Variants in EIPR1 observed in about 807,000 individuals in gnomAD.
EIPR1 encodes the protein EARP complex and GARP complex interacting protein 1.
EIPR1 carries 25 observed loss-of-function variants against 48.1 expected under a neutral mutation model. That is an observed-to-expected ratio of 0.52 (90% CI 0.38 to 0.73). EIPR1 has a LOEUF of 0.73. Among genes scored for constraint, EIPR1 ranks in the 30% least tolerant of loss-of-function variants. The pLI is 0.00. For missense variants in EIPR1, 415 were observed against 506.2 expected (o/e 0.82, Z 1.73); for synonymous variants, 204 against 201.9 (o/e 1.01, Z -0.09).
intron 1 of EIPR1, among the ~76,000 whole-genome samples, chr2:3,367,399 A>AAC (rs1453511902): frequency 6.6e-6 from 1 of 152,268 alleles, no homozygotes; most frequent in East Asian, 1.9e-4. Context: ...ACAGATTAAC[A>AAC]AGTCAACACT....
intron 3 of EIPR1, among the ~76,000 whole-genome samples, chr2:3,260,896 A>G (rs1024377824): frequency 2.0e-5 from 3 of 152,254 alleles, no homozygotes; most frequent in Non-Finnish European, 4.4e-5. Flanking sequence ...AAAGATGTAC[A>G]GTAACTGGAT....
chr2:3,206,260 C>T (rs1458334039), intron 5 of EIPR1, among the ~76,000 whole-genome samples: 1 of 152,128 alleles, frequency 6.6e-6, no homozygotes. Flanking sequence ...CACCAGGGGA[C>T]AGAGAAAGGG....
chr2:3,344,770 G>C (rs997352272), intron 2 of EIPR1, among the ~76,000 whole-genome samples: 1 of 149,900 alleles, frequency 6.7e-6, no homozygotes, highest in African/African-American at 2.5e-5. Flanking sequence ...AGCCTCCTGA[G>C]TAGTTGCAAC....
At chr2:3,273,493 C>A (rs1667757407) in intron 3 of EIPR1, among the ~76,000 whole-genome samples, 1 of 151,610 alleles carries the variant, frequency 6.6e-6, no homozygotes, top group South Asian at 2.1e-4. Context: ...AAACATTATT[C>A]TCCAGCTGGC....
intron 3 of EIPR1, among the ~76,000 whole-genome samples, chr2:3,280,214 T>C (rs2103258410): frequency 6.6e-6 from 1 of 152,326 alleles, no homozygotes; most frequent in South Asian, 2.1e-4. Flanking sequence ...TTAGCCCCTT[T>C]AAACCTGAGT....
At chr2:3,334,246 C>T (rs1179159512) in intron 3 of EIPR1, among the ~76,000 whole-genome samples, 2 of 152,216 alleles carry the variant, frequency 1.3e-5, no homozygotes, top group Non-Finnish European at 2.9e-5. Context: ...GGATAAATTG[C>T]AACTCTGATC....
rs768355540 is a variant in EIPR1 at position 3,312,484 on chromosome 2, C to T, written c.259+25533G>A. ...CTTCTCTCACTGCCTCCAAAATACA[C>T]CCTGTCCAATATTCCATCTCCAGGT... On this transcript the variant is annotated intron_variant, in intron 3 of 8. Transcript: ENST00000382125. The surrounding 1 kb of genome is among the most constrained non-coding windows in gnomAD (Gnocchi z 5.5). Among the ~76,000 whole-genome samples the T allele has an allele frequency of 6.6e-6, 1 of 152,210 alleles. No individual in the cohort carries two copies. The highest frequency in any genetic ancestry group is 1.5e-5 in the Non-Finnish European group (1 of 68,034).
intron 3 of EIPR1, among the ~76,000 whole-genome samples, chr2:3,323,555 C>T (rs1445381551): frequency 6.6e-6 from 1 of 152,144 alleles, no homozygotes; most frequent in Non-Finnish European, 1.5e-5. Context: ...GGACATGGGC[C>T]CTCAGCCAAC....
intron 1 of EIPR1, among the ~76,000 whole-genome samples, chr2:3,375,443 C>A (rs1260993212): frequency 6.6e-6 from 1 of 151,610 alleles, no homozygotes; most frequent in Admixed American, 6.6e-5. Context: ...CTCAAAGATA[C>A]AATACTGAAG....
intron 3 of EIPR1, among the ~76,000 whole-genome samples, chr2:3,334,078 A>G (rs1669975343): frequency 6.6e-6 from 1 of 152,222 alleles, no homozygotes; most frequent in Non-Finnish European, 1.5e-5. Flanking sequence ...CAAAGAAAAC[A>G]CACGTGGGTC....
chr2:3,195,668 A>G (rs562982486), intron 6 of EIPR1, among the ~76,000 whole-genome samples: 1 of 152,314 alleles, frequency 6.6e-6, no homozygotes, highest in South Asian at 2.1e-4. Flanking sequence ...TGTATTAACT[A>G]AAGGTTACTG....
chr2:3,351,147 CGT>C (rs1558315157), intron 2 of EIPR1, among the ~76,000 whole-genome samples: 2 of 151,872 alleles, frequency 1.3e-5, no homozygotes, highest in African/African-American at 2.4e-5. Context: ...ATTACAGGTG[CGT>C]GCCACCACAC....
chr2:3,369,953 CT>C (rs1267516121), intron 1 of EIPR1, among the ~76,000 whole-genome samples: 5 of 151,738 alleles, frequency 3.3e-5, no homozygotes, highest in Non-Finnish European at 5.9e-5. Flanking sequence ...TCCTTGACCC[CT>C]GACCCCCGAG....
Position 3,226,562 on chromosome 2 carries a change from G to A in EIPR1, c.417-12314C>T, listed in dbSNP as rs1666072689. Reference sequence around the variant, plus strand: ...TATGGTTTCTTCCACTCTGTACGCTGCCTTTTCATTTTGCCGATGTTTCTT... The same window carrying A: ...TATGGTTTCTTCCACTCTGTACGCTACCTTTTCATTTTGCCGATGTTTCTT... On this transcript the variant is annotated intron_variant, in intron 4 of 8. Coordinates refer to ENST00000382125, the MANE Select transcript of EIPR1 (RefSeq NM_003310.5). Among the ~76,000 whole-genome samples the A allele has an allele frequency of 2.6e-5, 4 of 152,312 alleles. No homozygotes were observed. In the South Asian group the frequency reaches 8.3e-4, roughly 32 times the overall value.
chr2:3,338,366 G>C (rs1670130517), intron 2 of EIPR1, among the ~76,000 whole-genome samples: 1 of 152,196 alleles, frequency 6.6e-6, no homozygotes, highest in Non-Finnish European at 1.5e-5. Context: ...GCATTTCTAA[G>C]ATTGCAAGCT....
chr2:3,364,100 T>C (rs34878011), intron 1 of EIPR1, among the ~76,000 whole-genome samples: 10,010 of 152,258 alleles, frequency 0.066, 343 homozygotes, highest in African/African-American at 0.073. Context: ...AAGAAGAGTA[T>C]GGCGTCTCCT....
chr2:3,200,483 G>A (rs890562121), intron 5 of EIPR1, among the ~76,000 whole-genome samples: 3 of 152,144 alleles, frequency 2.0e-5, no homozygotes, highest in Non-Finnish European at 2.9e-5. Flanking sequence ...TTTCTGCTCC[G>A]TGCAGGAAAT....
rs373441940 is a variant in EIPR1 at position 3,196,938 on chromosome 2, G to A, written c.596C>T (p.Thr199Ile). ...GGTGTCGTTCGCTGTGGCCACCTGG[G>A]TGCAGTTATGATGTGGGCTCCACCG... ...SGRWSPHHNC[T>I]QVATANDTTL... Residue 199 changes from threonine (T) to isoleucine (I), a missense_variant, in exon 6 of 9, where the codon ACC becomes ATC. Physicochemically the swap from Thr to Ile is moderately conservative, Grantham distance 89. Transcript: ENST00000382125. 1 of 1,613,840 alleles carries A rather than the reference G, an allele frequency of 6.2e-7. No homozygotes were observed. The highest frequency in any genetic ancestry group is 8.5e-7 in the Non-Finnish European group (1 of 1,180,060).
chr2:3,261,485 AG>A (rs1362776113), intron 3 of EIPR1, among the ~76,000 whole-genome samples: 3 of 152,292 alleles, frequency 2.0e-5, no homozygotes, highest in Admixed American at 6.5e-5. Context: ...CTGCAACCCT[AG>A]GGCAGGTGTA....
Sources: gnomAD v4.1 joint callset for allele counts (sites outside exome capture counted in the v4.1 genomes callset) on GRCh38, gnomAD v4.1.1 for gene constraint, Gnocchi (gnomAD v3.1) non-coding constraint, MANE v1.5 for transcripts, NCBI Gene and HGNC (gene_info 2026-07-23, HGNC 2026-07-21) for gene names.